Variants in FBN1 observed in about 807,000 individuals in gnomAD.
FBN1 encodes the protein fibrillin-1.
FBN1 carries 29 observed loss-of-function variants against 365.1 expected under a neutral mutation model. The observed-to-expected ratio is 0.08, with a 90% confidence interval of 0.06 to 0.11. FBN1 has a LOEUF of 0.11. Ranked by LOEUF, FBN1 falls within the 10% of genes least tolerant of loss-of-function variation. FBN1 has a pLI of 1.00. For synonymous variants in FBN1, 1,210 were observed against 1,270.5 expected, an observed-to-expected ratio of 0.95 and a Z score of 1.01; for missense variants, 2,476 against 3,703.2, an observed-to-expected ratio of 0.67 and a Z score of 8.60.
At chr15:48,506,659 G>C (rs917479228) in intron 15 of FBN1, among the ~76,000 whole-genome samples, 13 of 152,240 alleles carry the variant, frequency 8.5e-5, no homozygotes, top group African/African-American at 2.9e-4. Flanking sequence ...TTGTTGATCA[G>C]ATGAGTTAAC....
intron 6 of FBN1, among the ~76,000 whole-genome samples, chr15:48,586,013 T>C (rs2044432568): frequency 6.6e-6 from 1 of 152,124 alleles, no homozygotes; most frequent in Non-Finnish European, 1.5e-5. Context: ...AACACAAAAA[T>C]CAATAAATGC....
intron 2 of FBN1, among the ~76,000 whole-genome samples, chr15:48,615,802 C>T (rs934461621): frequency 1.6e-4 from 24 of 152,104 alleles, no homozygotes; most frequent in Admixed American, 8.5e-4. Context: ...GCTAAGTCCC[C>T]ATCTTTCAAA....
intron 62 of FBN1, 51 bp downstream of exon 62, chr15:48,421,507 C>T: frequency 6.2e-7 from 1 of 1,600,528 alleles, no homozygotes; most frequent in Non-Finnish European, 8.5e-7. Flanking sequence ...GCCACACAGG[C>T]CACCTCCACA....
intron 45 of FBN1, among the ~76,000 whole-genome samples, chr15:48,450,672 C>G (rs2043194566): frequency 6.6e-6 from 1 of 152,228 alleles, no homozygotes; most frequent in African/African-American, 2.4e-5. Flanking sequence ...TGCTGTCAGA[C>G]TAGCATCCTG....
chr15:48,505,656 C>T (rs2043702211), intron 15 of FBN1, among the ~76,000 whole-genome samples: 1 of 152,150 alleles, frequency 6.6e-6, no homozygotes, highest in Non-Finnish European at 1.5e-5. Flanking sequence ...CTTGATGGAA[C>T]ACCACAGAAA....
At chr15:48,480,354 T>C (rs763761162) in intron 32 of FBN1, among the ~76,000 whole-genome samples, 7 of 152,158 alleles carry the variant, frequency 4.6e-5, no homozygotes, top group Non-Finnish European at 7.4e-5. Context: ...CCTATATTTA[T>C]ACTGGAAGCT....
chr15:48,445,153 T>C (rs1365974730), intron 48 of FBN1, among the ~76,000 whole-genome samples: 1 of 108,432 alleles, frequency 9.2e-6, no homozygotes, highest in Non-Finnish European at 1.9e-5. Context: ...CACATATATA[T>C]ATACATATAT....
chr15:48,473,866 A>T (rs114669090), intron 34 of FBN1, among the ~76,000 whole-genome samples: 1,633 of 152,300 alleles, frequency 0.011, 33 homozygotes, highest in African/African-American at 0.038. Context: ...GATTTGTTTA[A>T]ACTAATGACA....
chr15:48,481,524 T>C, intron 32 of FBN1, 131 bp downstream of exon 32: 1 of 1,019,650 alleles, frequency 9.8e-7, no homozygotes, highest in Non-Finnish European at 1.4e-6. Context: ...GCTAAATTAA[T>C]GAAAAATGTT....
intron 2 of FBN1, among the ~76,000 whole-genome samples, chr15:48,628,807 A>C (rs181712273): frequency 1.3e-5 from 2 of 152,352 alleles, no homozygotes. Flanking sequence ...TAATAGATCT[A>C]GAAAACGATT....
rs754193064 is a variant in FBN1, at chr15:48,606,890, A to G, written c.346+3838T>C. Reference sequence around the variant, plus strand: ...AGGTCATGAGGGCTTTGCCCTCATAAATGGATTTATGCCATTATCTCAGGA... The same window carrying G: ...AGGTCATGAGGGCTTTGCCCTCATAGATGGATTTATGCCATTATCTCAGGA... On this transcript the variant is annotated intron_variant, in intron 4 of 65. Coordinates refer to ENST00000316623, the MANE Select transcript of FBN1 (RefSeq NM_000138.5). Among the ~76,000 whole-genome samples, 3 of 152,230 alleles carry G rather than the reference A, an allele frequency of 2.0e-5. No individual in the cohort carries two copies. In the South Asian group the frequency reaches 6.2e-4, roughly 31 times the overall value.
intron 6 of FBN1, among the ~76,000 whole-genome samples, chr15:48,550,665 G>C: frequency 6.6e-6 from 1 of 152,054 alleles, no homozygotes; most frequent in Admixed American, 6.5e-5. Flanking sequence ...GTGAACTGCA[G>C]TTCCTCAACT....
At position 48,452,413 on chromosome 15, in the gene FBN1, TC is replaced by T. The variant is rs1032824903; in HGVS notation, c.5545+148del. ...TAGATATTTTGACAATATCCCTTTTTCCAATTTAGTTTAATATTAGAGTTCA... is the reference window on the plus strand; with the variant it reads ...TAGATATTTTGACAATATCCCTTTTTCAATTTAGTTTAATATTAGAGTTCA... On this transcript the variant is annotated intron_variant, in intron 45 of 65. Coordinates refer to ENST00000316623, the MANE Select transcript of FBN1 (RefSeq NM_000138.5). The T allele has an allele frequency of 6.6e-6, 6 of 908,848 alleles. No homozygotes were observed. In the Admixed American group the frequency reaches 1.0e-4, roughly 16 times the overall value. 56.3% of individuals were successfully genotyped at this position (908,848 alleles called of 1,614,324 possible). A position where few individuals can be genotyped will look rare whatever the true frequency, so the allele number is the denominator to read the frequency against.
At chr15:48,578,329 T>G (rs1032497459) in intron 6 of FBN1, among the ~76,000 whole-genome samples, 1 of 152,188 alleles carries the variant, frequency 6.6e-6, no homozygotes, top group Admixed American at 6.5e-5. Context: ...GATGATAGTT[T>G]TGCTGGTACT....
chr15:48,554,558 C>T (rs906281904), intron 6 of FBN1, among the ~76,000 whole-genome samples: 25 of 152,108 alleles, frequency 1.6e-4, no homozygotes, highest in Admixed American at 1.5e-3. Flanking sequence ...GGTTACCTCC[C>T]TGTGGAGAAG....
intron 13 of FBN1, 140 bp from the exon 14 acceptor site, chr15:48,510,309 G>T: frequency 1.3e-6 from 1 of 796,578 alleles, no homozygotes; most frequent in Admixed American, 2.4e-5. Context: ...ACATAAATTG[G>T]TTATCAAATA....
rs1597612434 is a variant in FBN1 at position 48,573,110 on chromosome 15, A to G, written c.538+23173T>C. On this transcript the variant is annotated intron_variant, in intron 6 of 65. Coordinates refer to ENST00000316623, the MANE Select transcript of FBN1 (RefSeq NM_000138.5). ...GTCTGGTCCACTAAGGAGTTTGAGC[A>G]TTATCCGAAAACAGGAGGCTAAGAA... Among the ~76,000 whole-genome samples the G allele has an allele frequency of 7.2e-5, 11 of 152,316 alleles. 1 individual carries two copies. The South Asian group carries it at 2.3e-3, about 32-fold the overall frequency.
intron 8 of FBN1, among the ~76,000 whole-genome samples, chr15:48,526,821 G>A (rs1027752697): frequency 6.6e-6 from 1 of 152,160 alleles, no homozygotes; most frequent in African/African-American, 2.4e-5. Flanking sequence ...TGGACACTGG[G>A]TGCCCTAACC....
chr15:48,514,539 A>C (rs2043786105), intron 12 of FBN1, among the ~76,000 whole-genome samples: 1 of 152,236 alleles, frequency 6.6e-6, no homozygotes, highest in Non-Finnish European at 1.5e-5. Context: ...AGTTGATAGG[A>C]GCTGAGTGTT....
Sources: gnomAD v4.1 joint callset for allele counts (sites outside exome capture counted in the v4.1 genomes callset) on GRCh38, gnomAD v4.1.1 for gene constraint, MANE v1.5 for transcripts, NCBI Gene and HGNC (gene_info 2026-07-23, HGNC 2026-07-21) for gene names.